Variants in BIVM observed in about 807,000 individuals in gnomAD.
The protein encoded by BIVM is basic, immunoglobulin-like variable motif containing.
Under a neutral mutation model 61.4 loss-of-function variants are expected in BIVM, and 31 were observed. The ratio of observed to expected loss-of-function variants is 0.51; its 90% confidence interval spans 0.38 to 0.68. The LOEUF (loss-of-function observed/expected upper bound fraction) is 0.68, where lower values mean the gene tolerates loss of function less well. BIVM is among the 30% of genes least tolerant of loss of function. The pLI, the probability that BIVM is intolerant of heterozygous loss-of-function variation, is 0.00. For synonymous variants in BIVM, 189 were observed against 210.7 expected (o/e 0.90, Z 0.89); for missense variants, 526 against 596.0 (o/e 0.88, Z 1.22).
Position 102,821,079 on chromosome 13 carries a change from C to A in BIVM, c.648C>A (p.Ile216=), listed in dbSNP as rs1880242438. ...CACAGTATAAGACTTCTTGTGGCAT[C>A]TCTTCATTAATTTCTTGTTGGAATT... ...SRPQYKTSCG[I]SSLISCWNFL... Residue 216 remains isoleucine (I), a synonymous_variant, in exon 5 of 11, where the codon ATC becomes ATA. Transcript: ENST00000257336. The A allele has an allele frequency of 6.2e-7, 1 of 1,613,572 alleles. No homozygotes were observed. Among genetic ancestry groups the A allele is most frequent in the Non-Finnish European group, 8.5e-7 (1 of 1,179,866 alleles).
intron 1 of BIVM, among the ~76,000 whole-genome samples, chr13:102,799,879 T>C (rs1346872287): frequency 6.6e-6 from 1 of 152,176 alleles, no homozygotes. Flanking sequence ...CGGTGACCCC[T>C]GTGCGGCCGT....
intron 3 of BIVM, among the ~76,000 whole-genome samples, chr13:102,812,086 G>A (rs1347880109): frequency 1.3e-5 from 2 of 150,394 alleles, no homozygotes; most frequent in South Asian, 4.2e-4. Context: ...TTTTTTTTCT[G>A]TTCCTCATAC....
intron 3 of BIVM, 22 bp from the exon 4 acceptor site, chr13:102,816,406 A>G (rs1341393330): frequency 6.5e-7 from 1 of 1,534,702 alleles, no homozygotes; most frequent in East Asian, 2.5e-5. Flanking sequence ...CATTTTGCTT[A>G]TTTTATACTC....
intron 8 of BIVM, among the ~76,000 whole-genome samples, chr13:102,832,976 G>T (rs1414709603): frequency 6.6e-6 from 1 of 152,048 alleles, no homozygotes; most frequent in African/African-American, 2.4e-5. Context: ...ATCTAGTTAA[G>T]AATTGGTGGG....
Position 102,841,180 on chromosome 13 carries a change from G to C in BIVM, c.*1315G>C, listed in dbSNP as rs1231764840. The C allele has an allele frequency of 2.0e-5, 3 of 152,582 alleles. No individual in the cohort carries two copies. The highest frequency in any genetic ancestry group is 3.9e-4 in the East Asian group (2 of 5,194). The allele number at this position is 152,582 out of a possible 1,614,324, so 9.5% of individuals were successfully genotyped here. On this transcript the variant is annotated 3_prime_UTR_variant, in exon 11 of 11. Coordinates refer to ENST00000257336, the MANE Select transcript of BIVM (RefSeq NM_017693.4). ...CAACCTGTGACTCACAAATGACTAG[G>C]ATCTCTTGTTCTTTAATTTTAGGGT...
intron 9 of BIVM, among the ~76,000 whole-genome samples, chr13:102,837,833 A>T (rs1881584759): frequency 6.6e-6 from 1 of 152,244 alleles, no homozygotes; most frequent in South Asian, 2.1e-4. Context: ...TTTCACTTTA[A>T]GTGGGAGCTA....
intron 3 of BIVM, among the ~76,000 whole-genome samples, chr13:102,815,739 G>T (rs1879824784): frequency 6.6e-6 from 1 of 152,104 alleles, no homozygotes; most frequent in African/African-American, 2.4e-5. Flanking sequence ...TGCCTTGAGG[G>T]TCTTTTGGAG....
chr13:102,808,706 T>C (rs1475364659), intron 3 of BIVM, among the ~76,000 whole-genome samples: 1 of 152,154 alleles, frequency 6.6e-6, no homozygotes, highest in Non-Finnish European at 1.5e-5. Context: ...TGTTTTTTCC[T>C]CCTGTTTTCT....
At chr13:102,816,390 C>T (rs759948934) in intron 3 of BIVM, 38 bp from the exon 4 acceptor site, 3 of 1,495,300 alleles carry the variant, frequency 2.0e-6, no homozygotes, top group South Asian at 2.8e-5. Flanking sequence ...TTTACTTCAT[C>T]TTAAGCATTT....
chr13:102,824,034 G>A (rs1423293116), intron 7 of BIVM, among the ~76,000 whole-genome samples: 1 of 152,160 alleles, frequency 6.6e-6, no homozygotes, highest in Admixed American at 6.5e-5. Flanking sequence ...ACTTCCACAG[G>A]ATGTGCCAAA....
intron 4 of BIVM, 150 bp downstream of exon 4, chr13:102,816,704 C>A: frequency 6.4e-6 from 5 of 776,646 alleles, no homozygotes; most frequent in Non-Finnish European, 8.6e-6. Context: ...TTTAAAGTCA[C>A]CACAAATGTT....
rs1241931340 is a variant in BIVM, at chr13:102,841,489, TTTTAAA to T, written c.*1625_*1630del. ...TGATTTTGTTACTTCATACTGGAAC[TTTTAAA>T]AAGATTTCATCAAATAAAGTTTTGT... is the stretch of plus-strand genomic sequence containing the variant. On this transcript the variant is annotated 3_prime_UTR_variant, in exon 11 of 11. Coordinates refer to ENST00000257336, the MANE Select transcript of BIVM (RefSeq NM_017693.4). The T allele has an allele frequency of 6.6e-6, 1 of 152,670 alleles. No homozygotes were observed. The highest frequency in any genetic ancestry group is 2.4e-5 in the African/African-American group (1 of 41,462). 9.5% of individuals were successfully genotyped at this position (152,670 alleles called of 1,614,324 possible).
rs78369241 is a variant in BIVM, at chr13:102,806,048, T to C, written c.-123+658T>C. ...TGGACCATATGGTAACTCTGTTTAA[T>C]TGTTGGAAGAACTGTTTTCCAAAGC... On this transcript the variant is annotated intron_variant, in intron 2 of 10. Coordinates refer to ENST00000257336, the MANE Select transcript of BIVM (RefSeq NM_017693.4). Among the ~76,000 whole-genome samples the C allele has an allele frequency of 6.2e-3, 944 of 152,362 alleles. 16 individuals carry two copies. Among genetic ancestry groups the C allele is most frequent in the African/African-American group, 0.022 (895 of 41,588 alleles).
In BIVM at chr13:102,839,552, C is replaced by T. The variant is rs192366965; in HGVS notation, c.1219-20C>T. 1.9e-6 allele frequency: 3 copies of T among 1,609,376 alleles called. No individual in the cohort carries two copies. The East Asian group carries it at 6.7e-5, about 36-fold the overall frequency. On this transcript the variant is annotated intron_variant, in intron 10 of 10. Transcript: ENST00000257336. ...TTAATTTCCCTTTATTTTCTTCAGC[C>T]AACATTTTTTTCTTCTCAGGTTGGG...
chr13:102,811,769 T>C (rs1879514352), intron 3 of BIVM, among the ~76,000 whole-genome samples: 1 of 152,224 alleles, frequency 6.6e-6, no homozygotes, highest in African/African-American at 2.4e-5. Flanking sequence ...GTCATCCGCC[T>C]GCCTCAGCCT....
At chr13:102,813,290 A>G (rs1422025577) in intron 3 of BIVM, among the ~76,000 whole-genome samples, 2 of 152,212 alleles carry the variant, frequency 1.3e-5, no homozygotes, top group Non-Finnish European at 2.9e-5. Context: ...TTTTATCATT[A>G]TGAAATATAT....
At chr13:102,827,979 T>G (rs527763457) in intron 7 of BIVM, among the ~76,000 whole-genome samples, 1 of 152,340 alleles carries the variant, frequency 6.6e-6, no homozygotes, top group South Asian at 2.1e-4. Context: ...AAAACACTTT[T>G]AAATCTATCT....
chr13:102,806,533 G>T (rs576424245), intron 2 of BIVM, among the ~76,000 whole-genome samples: 1 of 152,338 alleles, frequency 6.6e-6, no homozygotes, highest in East Asian at 1.9e-4. Context: ...ACAGGTGTGA[G>T]TGACTGCGCC....
intron 3 of BIVM, among the ~76,000 whole-genome samples, chr13:102,815,879 G>A (rs753871263): frequency 6.6e-6 from 1 of 152,182 alleles, no homozygotes; most frequent in African/African-American, 2.4e-5. Context: ...GTATATGTGT[G>A]CATCATTCTT....
Sources: allele counts gnomAD v4.1 joint callset (sites outside exome capture counted in the v4.1 genomes callset), GRCh38; gene constraint gnomAD v4.1.1; transcripts MANE v1.5; gene names NCBI Gene and HGNC (gene_info 2026-07-23, HGNC 2026-07-21).